ZNF385D: variants seen among roughly 807,000 people sequenced by gnomAD.
ZNF385D encodes the protein zinc finger protein 385D.
A neutral mutation model predicts 35.8 loss-of-function variants in ZNF385D; 15 were observed. The observed-to-expected ratio is 0.42, with a 90% confidence interval of 0.28 to 0.64. ZNF385D has a LOEUF of 0.64. Ranked by LOEUF, ZNF385D falls within the 30% of genes least tolerant of loss-of-function variation. The pLI is 0.23. For missense variants in ZNF385D, 474 were observed against 494.6 expected (o/e 0.96, Z 0.39); for synonymous variants, 212 against 186.8 (o/e 1.13, Z -1.10).
chr3:22,329,066 G>A lies in ZNF385D; in HGVS notation c.106+43384C>T, dbSNP rs573374126. 4.2e-3 allele frequency among the ~76,000 whole-genome samples: 488 copies of A among 115,204 alleles called. 4 individuals carry two copies. The highest frequency in any genetic ancestry group is 0.016 in the African/African-American group (461 of 29,360). The allele number at this position is 115,204 out of a possible 152,430, so 75.6% of individuals were successfully genotyped here. On this transcript the variant is annotated intron_variant, in intron 2 of 5. Coordinates refer to the ZNF385D transcript ENST00000494108. ...CACTCCAGCCTGGGCGACAGAGCGA[G>A]ACTCCGTCTCAAAAAAAAAAAAAAA...
chr3:21,470,654 A>G (rs1299351126), intron 4 of ZNF385D, among the ~76,000 whole-genome samples: 3 of 152,142 alleles, frequency 2.0e-5, no homozygotes, highest in African/African-American at 2.4e-5. Context: ...TAGTCAGGGT[A>G]TACTCTTTAT....
intron 2 of ZNF385D, among the ~76,000 whole-genome samples, chr3:22,292,082 G>C (rs1476919186): frequency 1.3e-5 from 2 of 151,892 alleles, no homozygotes; most frequent in African/African-American, 4.8e-5. Context: ...TTTAATTTGA[G>C]AGCTGGATGA....
chr3:21,590,546 C>T (rs906152279), intron 2 of ZNF385D, among the ~76,000 whole-genome samples: 5 of 147,580 alleles, frequency 3.4e-5, no homozygotes, highest in Admixed American at 2.7e-4. Context: ...TTGAAAATTA[C>T]ACCATAAAAA....
chr3:21,423,554 TA>T (rs1305966000), intron 7 of ZNF385D, among the ~76,000 whole-genome samples: 4 of 152,198 alleles, frequency 2.6e-5, no homozygotes, highest in African/African-American at 9.6e-5. Context: ...CTTAGCAATA[TA>T]AAAAGCTTAT....
At chr3:22,048,366 T>G (rs528436370) in intron 3 of ZNF385D, among the ~76,000 whole-genome samples, 1 of 152,272 alleles carries the variant, frequency 6.6e-6, no homozygotes, top group East Asian at 1.9e-4. Flanking sequence ...CTCTAGCAGT[T>G]TTATAGATCC....
At chr3:21,698,047 A>C (rs2125370239) in intron 1 of ZNF385D, among the ~76,000 whole-genome samples, 1 of 152,304 alleles carries the variant, frequency 6.6e-6, no homozygotes, top group South Asian at 2.1e-4. Flanking sequence ...GAGACTTCTC[A>C]AAAAAGTAAA....
chr3:22,148,328 C>A (rs1463764915), intron 3 of ZNF385D, among the ~76,000 whole-genome samples: 1 of 152,194 alleles, frequency 6.6e-6, no homozygotes, highest in Non-Finnish European at 1.5e-5. Context: ...GTTATTTCTT[C>A]TCTGTCATAC....
Position 21,510,889 on chromosome 3 carries a change from A to T in ZNF385D, c.411T>A (p.Asn137Lys). 1 of 1,614,090 alleles carries T rather than the reference A, an allele frequency of 6.2e-7. No individual in the cohort carries two copies. The highest frequency in any genetic ancestry group is 8.5e-7 in the Non-Finnish European group (1 of 1,179,946). Residue 137 changes from asparagine to lysine, a missense_variant, in exon 4 of 8, where the codon AAT (asparagine) becomes AAA (lysine). Transcript: ENST00000281523. The stretch of plus-strand genomic sequence containing the variant: ...TTTTGTCAGAGCTGGTATTGATGGT[A>T]TTGGTAGTGATGGAGGTGAAGGTAG... ...AKTTFTSITT[N>K]TINTSSDKTD...
At chr3:22,325,604 T>C (rs1172984240) in intron 2 of ZNF385D, among the ~76,000 whole-genome samples, 2 of 151,922 alleles carry the variant, frequency 1.3e-5, no homozygotes, top group African/African-American at 4.8e-5. Flanking sequence ...ACTAAAATTA[T>C]AAAACTCAGC....
chr3:22,254,247 G>A (rs1220863557), intron 2 of ZNF385D, among the ~76,000 whole-genome samples: 4 of 151,702 alleles, frequency 2.6e-5, no homozygotes, highest in African/African-American at 9.7e-5. Flanking sequence ...CAAAACTATT[G>A]AGTCTTACTA....
chr3:21,992,264 G>A (rs985452702), intron 3 of ZNF385D, among the ~76,000 whole-genome samples: 1 of 151,944 alleles, frequency 6.6e-6, no homozygotes, highest in African/African-American at 2.4e-5. Context: ...CCCCTAGAAG[G>A]TATCTAGTAG....
intron 2 of ZNF385D, among the ~76,000 whole-genome samples, chr3:22,224,159 T>C (rs1423627818): frequency 6.6e-6 from 1 of 152,196 alleles, no homozygotes; most frequent in African/African-American, 2.4e-5. Context: ...AGAACATTTG[T>C]AATGAGATAA....
At chr3:22,019,432 C>T (rs998037667) in intron 3 of ZNF385D, among the ~76,000 whole-genome samples, 2 of 151,792 alleles carry the variant, frequency 1.3e-5, no homozygotes, top group African/African-American at 2.4e-5. Context: ...TCTAACCCAT[C>T]TCATATAGTA....
At chr3:21,692,901 C>G (rs1020414026) in intron 1 of ZNF385D, among the ~76,000 whole-genome samples, 3 of 152,120 alleles carry the variant, frequency 2.0e-5, no homozygotes, top group African/African-American at 7.2e-5. Context: ...TATCATTATC[C>G]AGACATCTGT....
intron 3 of ZNF385D, among the ~76,000 whole-genome samples, chr3:22,027,684 T>C (rs941548793): frequency 6.6e-6 from 1 of 152,176 alleles, no homozygotes; most frequent in African/African-American, 2.4e-5. Flanking sequence ...CACGCACAGC[T>C]GCATTCCATC....
chr3:21,570,007 C>T (rs913940007), intron 2 of ZNF385D, among the ~76,000 whole-genome samples: 2 of 150,610 alleles, frequency 1.3e-5, no homozygotes, highest in East Asian at 2.0e-4. Flanking sequence ...TGTATACATA[C>T]GTAACTAACC....
chr3:21,991,855 A>G (rs1284836655), intron 3 of ZNF385D, among the ~76,000 whole-genome samples: 4 of 152,186 alleles, frequency 2.6e-5, no homozygotes, highest in African/African-American at 7.2e-5. Flanking sequence ...TTTCAGTGAT[A>G]TATGAGTGAG....
rs201708565 is a variant in ZNF385D at position 22,137,038 on chromosome 3, A to G, written c.325+31779T>C. On this transcript the variant is annotated intron_variant, in intron 3 of 5. Coordinates refer to the ZNF385D transcript ENST00000494108. Reference sequence around the variant, plus strand: ...TTTAGCATTTGTCAAAGCCCATAGAATGTATAACACAAGGATTGAGCCCCA... The same window carrying G: ...TTTAGCATTTGTCAAAGCCCATAGAGTGTATAACACAAGGATTGAGCCCCA... 2.0e-4 allele frequency among the ~76,000 whole-genome samples: 30 copies of G among 152,308 alleles called. No homozygotes were observed. The East Asian group carries it at 5.6e-3, about 28-fold the overall frequency.
At chr3:21,626,713 A>G (rs1009447291) in intron 2 of ZNF385D, among the ~76,000 whole-genome samples, 98 of 152,250 alleles carry the variant, frequency 6.4e-4, no homozygotes, top group African/African-American at 2.3e-3. Flanking sequence ...TGGGAAGTGC[A>G]AAGATGGAAC....
Sources: allele counts gnomAD v4.1 joint callset (sites outside exome capture counted in the v4.1 genomes callset), GRCh38; gene constraint gnomAD v4.1.1; transcripts MANE v1.5; gene names NCBI Gene and HGNC (gene_info 2026-07-23, HGNC 2026-07-21).